ZNF705B: variants seen among roughly 807,000 people sequenced by gnomAD.
ZNF705B encodes the protein zinc finger protein 705B, also known as Putative zinc finger protein 705D-like protein LOC100132396.
Under a neutral mutation model 10.5 loss-of-function variants are expected in ZNF705B, and 1 was observed. The ratio of observed to expected loss-of-function variants is 0.10; its 90% CI spans 0.03 to 0.45. The LOEUF is 0.45. Ranked by LOEUF, ZNF705B falls within the 20% of genes least tolerant of loss-of-function variation. The probability of loss-of-function intolerance (pLI) is 0.97; values close to 1 mark genes in which losing one functional copy is unlikely to be tolerated. For synonymous variants in ZNF705B, 4 were observed against 25.4 expected (o/e 0.16, Z 2.53); for missense variants, 14 against 84.0 (o/e 0.17, Z 3.26).
At chr8:7,927,890 T>G (rs1331653354) in intron 1 of ZNF705B, among the ~76,000 whole-genome samples, 87 of 140,934 alleles carry the variant, frequency 6.2e-4, no homozygotes, top group Non-Finnish European at 1.1e-3. Flanking sequence ...ACATACTGAT[T>G]ATTAATGTAG....
chr8:7,930,879 CAG>C (rs1819827413), intron 2 of ZNF705B, among the ~76,000 whole-genome samples: 1 of 130,042 alleles, frequency 7.7e-6, no homozygotes, highest in African/African-American at 2.5e-5. Flanking sequence ...TGTTTTGAGA[CAG>C]AGTCTAGCTC....
intron 1 of ZNF705B, among the ~76,000 whole-genome samples, chr8:7,928,900 G>A (rs1280662947): frequency 9.3e-6 from 1 of 107,466 alleles, no homozygotes; most frequent in Admixed American, 1.2e-4. Context: ...TAGGGTATGA[G>A]TACAAAAAGG....
At chr8:7,927,516 C>T (rs1348630884) in intron 1 of ZNF705B, among the ~76,000 whole-genome samples, 1 of 120,376 alleles carries the variant, frequency 8.3e-6, no homozygotes, top group Non-Finnish European at 2.0e-5. Flanking sequence ...GGGGTTGAAA[C>T]TCTTGTGGTG....
rs1273091582 is a variant in ZNF705B at position 7,930,837 on chromosome 8, AT to A, written c.-72+409del. Among the ~76,000 whole-genome samples, 7 of 69,702 alleles carry A rather than the reference AT, an allele frequency of 1.0e-4. 1 individual carries two copies. The highest frequency in any genetic ancestry group is 1.8e-4 in the Non-Finnish European group (5 of 27,562). The allele number at this position is 69,702 out of a possible 152,430, so 45.7% of individuals were successfully genotyped here. A position where few individuals can be genotyped will look rare whatever the true frequency, so the allele number is the denominator to read the frequency against. On this transcript the variant is annotated intron_variant, in intron 2 of 6. Coordinates refer to ENST00000400120, the MANE Select transcript of ZNF705B (RefSeq NM_001193630.1). ...CATCACGGCAAAGATGTGTTGTGTTATTTTTTTTGTTTTTTTTTTTGTTGTT... is the reference window on the plus strand; with the variant it reads ...CATCACGGCAAAGATGTGTTGTGTTATTTTTTTGTTTTTTTTTTTGTTGTT...
At chr8:7,928,817 T>G (rs1819766797) in intron 1 of ZNF705B, among the ~76,000 whole-genome samples, 1 of 103,310 alleles carries the variant, frequency 9.7e-6, no homozygotes, top group Non-Finnish European at 2.3e-5. Flanking sequence ...TTTACAGAAT[T>G]TCTTCTCCTT....
At chr8:7,929,513 A>C (rs1284105744) in intron 1 of ZNF705B, among the ~76,000 whole-genome samples, 1 of 121,918 alleles carries the variant, frequency 8.2e-6, no homozygotes, top group African/African-American at 2.5e-5. Flanking sequence ...CATAAGCAGA[A>C]ATGAAAATCC....
chr8:7,936,224 C>A (rs537164506), intron 2 of ZNF705B, among the ~76,000 whole-genome samples: 3 of 119,394 alleles, frequency 2.5e-5, no homozygotes, highest in East Asian at 4.7e-4. Context: ...TATGTTTGTG[C>A]GGAAATTTGT....
chr8:7,940,633 C>A (rs1352787898), intron 2 of ZNF705B, among the ~76,000 whole-genome samples: 4 of 145,414 alleles, frequency 2.8e-5, no homozygotes, highest in Admixed American at 7.0e-5. Context: ...CCATTCTACT[C>A]TCTGCTTTTG....
chr8:7,937,593 G>A lies in ZNF705B; in HGVS notation c.-72+7157G>A, dbSNP rs77899374. ...CACATATTTTAAAATATTTTTAACT[G>A]ATTAAAAAAAATCAAACCCATGTAT... On this transcript the variant is annotated intron_variant, in intron 2 of 6. Transcript: ENST00000400120. Among the ~76,000 whole-genome samples the A allele has an allele frequency of 1.9e-4, 23 of 120,314 alleles. 3 individuals are homozygous for A. The highest frequency in any genetic ancestry group is 5.6e-4 in the South Asian group (2 of 3,564). 78.9% of individuals were successfully genotyped at this position (120,314 alleles called of 152,430 possible).
At chr8:7,933,804 AG>A (rs1819917423) in intron 2 of ZNF705B, among the ~76,000 whole-genome samples, 1 of 83,050 alleles carries the variant, frequency 1.2e-5, no homozygotes, top group African/African-American at 3.0e-5. Context: ...GCTAGACAAA[AG>A]CAATGGGTAT....
At chr8:7,927,530 C>T (rs1328775534) in intron 1 of ZNF705B, among the ~76,000 whole-genome samples, 2 of 120,156 alleles carry the variant, frequency 1.7e-5, no homozygotes, top group African/African-American at 5.0e-5. Context: ...TGTGGTGATC[C>T]TAGTTAAAAC....
chr8:7,930,846 G>GTTTTTTTTTTTTTTT (rs5889212), intron 2 of ZNF705B, among the ~76,000 whole-genome samples: 3 of 72,796 alleles, frequency 4.1e-5, no homozygotes, highest in Non-Finnish European at 7.7e-5. Context: ...TATTTTTTTT[G>GTTTTTTTTTTTTTTT]TTTTTTTTTT....
At chr8:7,934,692 C>CTGTGTGTGTGTGTGTGTGTGTG (rs772466497) in intron 2 of ZNF705B, 44 of 78,970 alleles carry the variant, frequency 5.6e-4, no homozygotes, top group African/African-American at 8.1e-4. Context: ...GTGTGTGTGT[C>CTGTGTGTGTGTGTGTGTGTGTG]TGTGTGTGTG....
At position 7,940,591 on chromosome 8, in the gene ZNF705B, C is replaced by A. The variant is rs575378577; in HGVS notation, c.-71-6760C>A. ...ACTTTGTGCTCTAACCACATCTACC[C>A]ATTTCCCCAGCACCAGGGCCCCTGG... On this transcript the variant is annotated intron_variant, in intron 2 of 6. Coordinates refer to ENST00000400120, the MANE Select transcript of ZNF705B (RefSeq NM_001193630.1). 9.8e-5 allele frequency among the ~76,000 whole-genome samples: 13 copies of A among 132,390 alleles called. No homozygotes were observed. The South Asian group carries it at 3.3e-3, about 33-fold the overall frequency. 86.9% of individuals were successfully genotyped at this position (132,390 alleles called of 152,430 possible). A position where few individuals can be genotyped will look rare whatever the true frequency, so the allele number is the denominator to read the frequency against.
rs1354278763 is a variant in ZNF705B at position 7,926,359 on chromosome 8, A to G, written c.-260A>G. On this transcript the variant is annotated 5_prime_UTR_variant, in exon 1 of 7. Coordinates refer to ENST00000400120, the MANE Select transcript of ZNF705B (RefSeq NM_001193630.1). ...GGTGTCCTTGTCCCAAGGGACATAC[A>G]GCACACAGCCTGTGGAGGGTGGAGG... The G allele has an allele frequency of 8.5e-6, 1 of 117,232 alleles. No homozygotes were observed. The highest frequency in any genetic ancestry group is 2.6e-5 in the African/African-American group (1 of 38,376). The allele number at this position is 117,232 out of a possible 1,614,324, so 7.3% of individuals were successfully genotyped here.
In ZNF705B at chr8:7,931,090, T is replaced by C. The variant is rs1195921408; in HGVS notation, c.-72+654T>C. ...CTGGTCTTGAACTCCCGACCTCGGG[T>C]GATCTGCCCCCCTCAGCCTTCCAAA... On this transcript the variant is annotated intron_variant, in intron 2 of 6. Transcript: ENST00000400120. 6.7e-5 allele frequency among the ~76,000 whole-genome samples: 8 copies of C among 119,896 alleles called. 1 individual carries two copies. Among genetic ancestry groups the C allele is most frequent in the Non-Finnish European group, 1.4e-4 (7 of 50,088 alleles). The allele number at this position is 119,896 out of a possible 152,430, so 78.7% of individuals were successfully genotyped here. A position where few individuals can be genotyped will look rare whatever the true frequency, so the allele number is the denominator to read the frequency against.
At position 7,932,916 on chromosome 8, in the gene ZNF705B, A is replaced by G. The variant is rs1485678193; in HGVS notation, c.-72+2480A>G. 9.4e-5 allele frequency among the ~76,000 whole-genome samples: 10 copies of G among 106,464 alleles called. 1 individual carries two copies. The highest frequency in any genetic ancestry group is 2.0e-4 in the Non-Finnish European group (9 of 44,146). The allele number at this position is 106,464 out of a possible 152,430, so 69.8% of individuals were successfully genotyped here. A position where few individuals can be genotyped will look rare whatever the true frequency, so the allele number is the denominator to read the frequency against. On this transcript the variant is annotated intron_variant, in intron 2 of 6. Transcript: ENST00000400120. ...TAAAGTTGTGTCTAAATGGAGGAAA[A>G]TTGTGACAGGTGGTAAAAGCACTCA...
Position 7,940,245 on chromosome 8 carries a change from C to A in ZNF705B, c.-71-7106C>A, listed in dbSNP as rs1343459195. Among the ~76,000 whole-genome samples the A allele has an allele frequency of 2.7e-5, 4 of 148,088 alleles. No homozygotes were observed. The East Asian group carries it at 8.0e-4, about 30-fold the overall frequency. On this transcript the variant is annotated intron_variant, in intron 2 of 6. Transcript: ENST00000400120. ...CCCTCCTTTTAAGTTTTTTAACCAA[C>A]CCCCTCTTGTTTTATTTTAACCGAC...
At position 7,932,621 on chromosome 8, in the gene ZNF705B, G is replaced by A. The variant is rs189116918; in HGVS notation, c.-72+2185G>A. ...TCAAAAATGCACTGAGGAAAACTTG[G>A]CACTTCCATAGGGTTGAGTTGGTTG... On this transcript the variant is annotated intron_variant, in intron 2 of 6. Transcript: ENST00000400120. Among the ~76,000 whole-genome samples, 362 of 121,678 alleles carry A rather than the reference G, an allele frequency of 3.0e-3. 16 individuals carry two copies. Among genetic ancestry groups the A allele is most frequent in the Non-Finnish European group, 4.9e-3 (247 of 50,662 alleles). 79.8% of individuals were successfully genotyped at this position (121,678 alleles called of 152,430 possible).
Sources: allele counts gnomAD v4.1 joint callset (sites outside exome capture counted in the v4.1 genomes callset), GRCh38; gene constraint gnomAD v4.1.1; transcripts MANE v1.5; gene names NCBI Gene and HGNC (gene_info 2026-07-23, HGNC 2026-07-21).